DLC1: variants seen among roughly 807,000 people sequenced by gnomAD.
DLC1 encodes rho GTPase-activating protein 7.
Under a neutral mutation model 140.3 loss-of-function variants are expected in DLC1, and 54 were observed. That is an observed-to-expected ratio of 0.38 (90% CI 0.31 to 0.48). The LOEUF (loss-of-function observed/expected upper bound fraction) is 0.48, where lower values mean the gene tolerates loss of function less well. Among genes scored for constraint, DLC1 ranks in the 20% least tolerant of loss-of-function variants. The pLI is 0.96. For missense variants in DLC1, 2,536 were observed against 1,907.0 expected, an observed-to-expected ratio of 1.33 and a Z score of -6.14; for synonymous variants, 986 against 728.1, an observed-to-expected ratio of 1.35 and a Z score of -5.70.
intron 2 of DLC1, among the ~76,000 whole-genome samples, chr8:13,434,711 C>T (rs1211110606): frequency 6.6e-6 from 1 of 152,236 alleles, no homozygotes; most frequent in East Asian, 1.9e-4. Flanking sequence ...CAGGGTCTCA[C>T]TCTGCTGCCC....
intron 5 of DLC1, among the ~76,000 whole-genome samples, chr8:13,183,210 T>A (rs28896273): frequency 0.26 from 39,803 of 152,058 alleles, 5,855 homozygotes; most frequent in African/African-American, 0.38. Flanking sequence ...TTAAGGAGAT[T>A]TGGGGCTGAG....
chr8:13,176,107 T>C (rs1434291038), intron 5 of DLC1, among the ~76,000 whole-genome samples: 1 of 152,188 alleles, frequency 6.6e-6, no homozygotes, highest in African/African-American at 2.4e-5. Context: ...TATAAACTTC[T>C]TTTTTTATTT....
intron 5 of DLC1, among the ~76,000 whole-genome samples, chr8:13,132,242 T>TGTGTGTGTGTGTG (rs1438491204): frequency 8.1e-5 from 12 of 148,586 alleles, no homozygotes; most frequent in African/African-American, 2.2e-4. Flanking sequence ...TGTGTGTGTG[T>TGTGTGTGTGTGTG]TTCCTAGCAA....
intron 4 of DLC1, among the ~76,000 whole-genome samples, chr8:13,356,400 G>A (rs951785790): frequency 4.6e-5 from 7 of 151,948 alleles, no homozygotes; most frequent in Admixed American, 3.9e-4. Flanking sequence ...TTTACAGTTT[G>A]CCTCAATTGA....
At chr8:13,421,531 A>G (rs1384663039) in intron 2 of DLC1, among the ~76,000 whole-genome samples, 1 of 152,182 alleles carries the variant, frequency 6.6e-6, no homozygotes, top group African/African-American at 2.4e-5. Flanking sequence ...CTATGAGGAC[A>G]TTTTCTGTTT....
chr8:13,533,250 T>C (rs1803161297), intron 1 of DLC1, among the ~76,000 whole-genome samples: 1 of 152,136 alleles, frequency 6.6e-6, no homozygotes, highest in African/African-American at 2.4e-5. Context: ...TCGTTGTTTT[T>C]TTTTGTGTTT....
intron 1 of DLC1, among the ~76,000 whole-genome samples, chr8:13,582,221 A>G (rs981670914): frequency 3.5e-4 from 54 of 152,194 alleles, no homozygotes; most frequent in Non-Finnish European, 1.0e-4. Context: ...AGGAACTGGC[A>G]GTGAGAAAAA....
intron 4 of DLC1, among the ~76,000 whole-genome samples, chr8:13,353,125 T>C (rs949958391): frequency 6.6e-6 from 1 of 152,228 alleles, no homozygotes; most frequent in Non-Finnish European, 1.5e-5. Context: ...GAAAGGTGGC[T>C]ATACGTGGCT....
intron 5 of DLC1, among the ~76,000 whole-genome samples, chr8:13,218,786 A>T (rs1216592673): frequency 2.1e-5 from 3 of 141,910 alleles, no homozygotes; most frequent in African/African-American, 7.8e-5. Context: ...TTTTATATAT[A>T]ATATAAATAT....
chr8:13,146,743 A>G (rs537651390), intron 5 of DLC1, among the ~76,000 whole-genome samples: 5 of 152,294 alleles, frequency 3.3e-5, no homozygotes, highest in African/African-American at 9.6e-5. Flanking sequence ...AGTCCAAGAT[A>G]AGAGTTATGG....
At chr8:13,312,024 T>C (rs909971181) in intron 4 of DLC1, among the ~76,000 whole-genome samples, 1 of 152,206 alleles carries the variant, frequency 6.6e-6, no homozygotes, top group Non-Finnish European at 1.5e-5. Context: ...TTTGGAAATA[T>C]GGTCTAAAAT....
intron 5 of DLC1, among the ~76,000 whole-genome samples, chr8:13,206,320 A>C (rs922241405): frequency 1.3e-5 from 2 of 152,202 alleles, no homozygotes; most frequent in Non-Finnish European, 2.9e-5. Context: ...TCGACATTGC[A>C]AAAGATCTGA....
intron 2 of DLC1, among the ~76,000 whole-genome samples, chr8:13,478,574 T>C (rs1486453219): frequency 6.6e-6 from 1 of 152,206 alleles, no homozygotes. Flanking sequence ...AGGGATGAAC[T>C]CTTAGCTAAA....
chr8:13,561,360 G>T (rs566818235), intron 1 of DLC1, among the ~76,000 whole-genome samples: 1 of 152,062 alleles, frequency 6.6e-6, no homozygotes, highest in Admixed American at 6.6e-5. Flanking sequence ...GTAGAAACAA[G>T]TTTGGGAAGG....
intron 4 of DLC1, among the ~76,000 whole-genome samples, chr8:13,363,161 C>T (rs1176815779): frequency 1.3e-5 from 2 of 152,174 alleles, no homozygotes; most frequent in African/African-American, 4.8e-5. Context: ...TTAATGTCTA[C>T]ACATGAGAGC....
At chr8:13,293,945 C>A (rs1216591500) in intron 5 of DLC1, among the ~76,000 whole-genome samples, 1 of 151,992 alleles carries the variant, frequency 6.6e-6, no homozygotes. Context: ...AGTTCTGTAG[C>A]CAAAAAGGGT....
chr8:13,547,542 C>G (rs970271163), intron 1 of DLC1, among the ~76,000 whole-genome samples: 1 of 152,052 alleles, frequency 6.6e-6, no homozygotes, highest in Non-Finnish European at 1.5e-5. Context: ...TCTCTGTCCT[C>G]AAACAAAAGG....
chr8:13,601,102 G>T (rs544460020), intron 1 of DLC1, among the ~76,000 whole-genome samples: 1 of 151,412 alleles, frequency 6.6e-6, no homozygotes, highest in African/African-American at 2.4e-5. Context: ...ACACACCTTC[G>T]TCCCCATTAA....
At chr8:13,222,381 A>C (rs1363983624) in intron 5 of DLC1, among the ~76,000 whole-genome samples, 1 of 152,160 alleles carries the variant, frequency 6.6e-6, no homozygotes, top group Non-Finnish European at 1.5e-5. Context: ...TTGAGACATT[A>C]CATTCCATGT....
Sources: allele counts gnomAD v4.1 joint callset (sites outside exome capture counted in the v4.1 genomes callset), GRCh38; gene constraint gnomAD v4.1.1; transcripts MANE v1.5; gene names NCBI Gene and HGNC (gene_info 2026-07-23, HGNC 2026-07-21).